Variants in ZDHHC20 observed in about 807,000 individuals in gnomAD.
The protein encoded by ZDHHC20 is palmitoyltransferase ZDHHC20.
A neutral mutation model predicts 57.8 loss-of-function variants in ZDHHC20; 43 were observed. That is an observed-to-expected ratio of 0.74 (90% confidence interval 0.58 to 0.96). The LOEUF is 0.96. Ranked by LOEUF, ZDHHC20 falls within the 40% of genes least tolerant of loss-of-function variation. ZDHHC20 has a pLI of 0.00. For missense variants in ZDHHC20, 391 were observed against 441.1 expected (o/e 0.89, Z 1.02); for synonymous variants, 157 against 153.0 (o/e 1.03, Z -0.19).
At position 21,401,698 on chromosome 13, in the gene ZDHHC20, C is replaced by T. The variant is rs764186569; in HGVS notation, c.441-13G>A. 1.7e-5 allele frequency: 25 copies of T among 1,499,028 alleles called. No individual in the cohort carries two copies. Among genetic ancestry groups the T allele is most frequent in the Non-Finnish European group, 2.2e-5 (25 of 1,128,926 alleles). 92.9% of individuals were successfully genotyped at this position (1,499,028 alleles called of 1,614,324 possible). On this transcript the variant is annotated splice_polypyrimidine_tract_variant and intron_variant, in intron 5 of 12. Coordinates refer to ENST00000400590, the MANE Select transcript of ZDHHC20 (RefSeq NM_001330059.2). ...CTTAAGAATACATCTAGGAAACAAA[C>T]AAGCATAAGAAAATCCATGCAGAAA...
At chr13:21,449,096 C>T (rs910079559) in intron 1 of ZDHHC20, among the ~76,000 whole-genome samples, 1 of 137,584 alleles carries the variant, frequency 7.3e-6, no homozygotes, top group Non-Finnish European at 1.6e-5. Flanking sequence ...GCCGCAGGGT[C>T]CTCTGCCTAG....
intron 1 of ZDHHC20, among the ~76,000 whole-genome samples, chr13:21,431,223 T>C (rs534237481): frequency 1.4e-4 from 21 of 152,206 alleles, no homozygotes; most frequent in Non-Finnish European, 2.8e-4. Flanking sequence ...GCCTCAGAAT[T>C]ATGGCTGGAG....
chr13:21,414,922 GTTC>G (rs1399608785), intron 3 of ZDHHC20, among the ~76,000 whole-genome samples: 4 of 151,140 alleles, frequency 2.6e-5, no homozygotes, highest in Admixed American at 1.3e-4. Context: ...CTTGAGATTT[GTTC>G]TTCATTGTGT....
At chr13:21,433,326 A>C (rs574988965) in intron 1 of ZDHHC20, among the ~76,000 whole-genome samples, 1 of 152,116 alleles carries the variant, frequency 6.6e-6, no homozygotes, top group East Asian at 1.9e-4. Context: ...TTAAAAAAAT[A>C]CTCAAACAAG....
chr13:21,395,878 G>A (rs962864758), intron 7 of ZDHHC20, among the ~76,000 whole-genome samples: 1 of 152,064 alleles, frequency 6.6e-6, no homozygotes, highest in African/African-American at 2.4e-5. Context: ...CCCCTCCCCA[G>A]GCTAGCCAGT....
At chr13:21,394,708 G>T (rs1876453972) in intron 7 of ZDHHC20, among the ~76,000 whole-genome samples, 1 of 152,168 alleles carries the variant, frequency 6.6e-6, no homozygotes, top group African/African-American at 2.4e-5. Flanking sequence ...AGGTAATTTA[G>T]ATTTCATCTA....
chr13:21,385,474 T>C (rs925731395), intron 9 of ZDHHC20, among the ~76,000 whole-genome samples: 14 of 152,014 alleles, frequency 9.2e-5, no homozygotes, highest in Non-Finnish European at 1.9e-4. Flanking sequence ...GAAAGATTCA[T>C]TGGAGGAGCT....
At chr13:21,384,269 A>G (rs1874022039) in intron 9 of ZDHHC20, among the ~76,000 whole-genome samples, 1 of 151,654 alleles carries the variant, frequency 6.6e-6, no homozygotes, top group South Asian at 2.1e-4. Context: ...GTGAAATGCC[A>G]TCTCTACTAA....
intron 8 of ZDHHC20, among the ~76,000 whole-genome samples, chr13:21,388,794 C>T (rs1047367755): frequency 2.0e-5 from 3 of 151,994 alleles, no homozygotes; most frequent in Admixed American, 6.6e-5. Flanking sequence ...ACTGTGCACG[C>T]GGATAGAGGA....
intron 1 of ZDHHC20, among the ~76,000 whole-genome samples, chr13:21,446,124 G>C (rs139407391): frequency 6.6e-6 from 1 of 152,220 alleles, no homozygotes; most frequent in African/African-American, 2.4e-5. Flanking sequence ...TTTCAACTTT[G>C]AATTTCATTT....
intron 3 of ZDHHC20, among the ~76,000 whole-genome samples, chr13:21,418,172 T>G (rs1018445321): frequency 2.6e-5 from 4 of 152,194 alleles, no homozygotes; most frequent in Non-Finnish European, 5.9e-5. Flanking sequence ...AATTTAATAA[T>G]GTGATGCATA....
chr13:21,421,717 A>C (rs1310344407), intron 2 of ZDHHC20, among the ~76,000 whole-genome samples: 1 of 152,222 alleles, frequency 6.6e-6, no homozygotes, highest in Non-Finnish European at 1.5e-5. Flanking sequence ...ACTGTTTCCC[A>C]AGTAGATTAA....
Position 21,442,109 on chromosome 13 carries a change from G to A in ZDHHC20, c.119-16431C>T, listed in dbSNP as rs1269618858. Among the ~76,000 whole-genome samples the A allele has an allele frequency of 3.9e-5, 6 of 152,022 alleles. No individual in the cohort carries two copies. In the East Asian group the frequency reaches 1.2e-3, roughly 29 times the overall value. ...CCTATTTTATTGTTTATCAAGAATG[G>A]ATGTGTTGGACTTTTCAAATTCCTT... On this transcript the variant is annotated intron_variant, in intron 1 of 12. Coordinates refer to ENST00000400590, the MANE Select transcript of ZDHHC20 (RefSeq NM_001330059.2).
At chr13:21,427,834 C>CAAAAAAAAAAAAAAAAAAAA (rs755599024) in intron 1 of ZDHHC20, among the ~76,000 whole-genome samples, 1 of 92,526 alleles carries the variant, frequency 1.1e-5, no homozygotes. Context: ...GACTCTGTTT[C>CAAAAAAAAAAAAAAAAAAAA]AAAAAAAAAA....
intron 1 of ZDHHC20, among the ~76,000 whole-genome samples, chr13:21,427,221 G>A (rs761370360): frequency 6.6e-6 from 1 of 152,068 alleles, no homozygotes; most frequent in Non-Finnish European, 1.5e-5. Flanking sequence ...GCTCCTTGAA[G>A]TGTGGAATCA....
At chr13:21,400,247 G>A in intron 7 of ZDHHC20, 126 bp downstream of exon 7, 1 of 896,444 alleles carries the variant, frequency 1.1e-6, no homozygotes, top group Non-Finnish European at 1.6e-6. Context: ...TCCTCTGATG[G>A]ATTTATAAAA....
intron 4 of ZDHHC20, among the ~76,000 whole-genome samples, chr13:21,407,453 C>T (rs948974295): frequency 5.9e-5 from 9 of 152,012 alleles, no homozygotes; most frequent in African/African-American, 2.2e-4. Flanking sequence ...CTGTTCATAC[C>T]CTTCGCCCAC....
At chr13:21,384,260 T>A (rs1566064057) in intron 9 of ZDHHC20, among the ~76,000 whole-genome samples, 1 of 151,460 alleles carries the variant, frequency 6.6e-6, no homozygotes, top group Non-Finnish European at 1.5e-5. Flanking sequence ...GCCAACATGG[T>A]GAAATGCCAT....
intron 1 of ZDHHC20, among the ~76,000 whole-genome samples, chr13:21,452,586 C>A (rs1177876795): frequency 2.0e-5 from 3 of 152,148 alleles, no homozygotes; most frequent in Admixed American, 2.0e-4. Flanking sequence ...AAACCTAAAT[C>A]TTTAAAAACT....
Sources: gnomAD v4.1 joint callset for allele counts (sites outside exome capture counted in the v4.1 genomes callset) on GRCh38, gnomAD v4.1.1 for gene constraint, MANE v1.5 for transcripts, NCBI Gene and HGNC (gene_info 2026-07-23, HGNC 2026-07-21) for gene names.